The following RNF115 variants were observed in gnomAD, a reference collection of about 807,000 sequenced individuals.
RNF115 encodes ring finger protein 115.
In RNF115, 31 loss-of-function variants were observed where a neutral mutation model predicts 39.2. The observed-to-expected ratio is 0.79, with a 90% CI of 0.59 to 1.07. The LOEUF (loss-of-function observed/expected upper bound fraction) is 1.07. Ranked by LOEUF, RNF115 falls within the 50% of genes least tolerant of loss-of-function variation. The pLI, the probability that RNF115 is intolerant of heterozygous loss-of-function variation, is 0.00. For missense variants in RNF115, 384 were observed against 381.7 expected (o/e 1.01, Z -0.05); for synonymous variants, 124 against 131.0 (o/e 0.95, Z 0.37).
intron 4 of RNF115, among the ~76,000 whole-genome samples, chr1:145,767,334 G>C (rs1343100118): frequency 1.3e-5 from 2 of 151,892 alleles, no homozygotes; most frequent in African/African-American, 4.8e-5. Flanking sequence ...TCACTTCTCA[G>C]ACGGGGCGGC....
At chr1:145,792,330 G>A (rs1648713080) in intron 1 of RNF115, among the ~76,000 whole-genome samples, 1 of 151,332 alleles carries the variant, frequency 6.6e-6, no homozygotes, top group South Asian at 2.1e-4. Context: ...TTCAAACACT[G>A]AAACACTTTT....
chr1:145,784,680 G>T, intron 2 of RNF115, 84 bp from the exon 3 acceptor site: 1 of 1,173,372 alleles, frequency 8.5e-7, no homozygotes, highest in Non-Finnish European at 1.3e-6. Flanking sequence ...GGCATAATGA[G>T]AACAAAGCCC....
intron 1 of RNF115, among the ~76,000 whole-genome samples, chr1:145,819,483 T>C (rs1553724133): frequency 6.6e-6 from 1 of 151,316 alleles, no homozygotes; most frequent in East Asian, 1.9e-4. Flanking sequence ...AACTTACCAA[T>C]CAGAAAAGGC....
chr1:145,793,539 C>A (rs1309778847), intron 1 of RNF115, among the ~76,000 whole-genome samples: 4 of 152,124 alleles, frequency 2.6e-5, no homozygotes, highest in African/African-American at 9.7e-5. Flanking sequence ...TGCCAACTCC[C>A]CCCAAATGTG....
At chr1:145,788,868 A>G (rs781958439) in intron 2 of RNF115, 40 bp downstream of exon 2, 1 of 1,413,852 alleles carries the variant, frequency 7.1e-7, no homozygotes, top group Admixed American at 1.7e-5. Flanking sequence ...AATAGTTTTG[A>G]TAATAGAATG....
intron 1 of RNF115, among the ~76,000 whole-genome samples, chr1:145,820,275 G>A (rs1389911821): frequency 4.0e-5 from 6 of 150,750 alleles, no homozygotes; most frequent in South Asian, 2.1e-4. Flanking sequence ...GACCAGCCGG[G>A]GCAACATGGC....
chr1:145,751,392 A>C, intron 6 of RNF115, 46 bp downstream of exon 6: 1 of 1,316,362 alleles, frequency 7.6e-7, no homozygotes, highest in Non-Finnish European at 1.1e-6. Flanking sequence ...AGCCTGTGGA[A>C]CCATGAGACA....
chr1:145,757,707 G>C (rs1553713386), intron 4 of RNF115, among the ~76,000 whole-genome samples: 2 of 152,198 alleles, frequency 1.3e-5, no homozygotes, highest in African/African-American at 4.8e-5. Context: ...GAATTGCTGT[G>C]AACCAGCAAC....
At chr1:145,813,649 C>T (rs1553723024) in intron 1 of RNF115, among the ~76,000 whole-genome samples, 5 of 152,116 alleles carry the variant, frequency 3.3e-5, no homozygotes, top group African/African-American at 7.2e-5. Context: ...TAACTGAGCC[C>T]TAGTTCCTGT....
chr1:145,751,455 C>G lies in RNF115; in HGVS notation c.556G>C (p.Asp186His), dbSNP rs1658084333. 1.3e-6 allele frequency: 2 copies of G among 1,588,794 alleles called. No individual in the cohort carries two copies. The highest frequency in any genetic ancestry group is 1.7e-6 in the Non-Finnish European group (2 of 1,166,964). Residue 186 changes from aspartate to histidine, a missense_variant, in exon 6 of 9, where the codon GAT becomes CAT. Coordinates refer to ENST00000582693, the MANE Select transcript of RNF115 (RefSeq NM_014455.4). ...CTCCTCACCTGGGTTACAATGGCATCAAGCCCTGTCTGACCCCAGGCATAG... is the reference window on the plus strand; with the variant it reads ...CTCCTCACCTGGGTTACAATGGCATGAAGCCCTGTCTGACCCCAGGCATAG... ...GDYAWGQTGL[D>H]AIVTQLLGQL...
intron 1 of RNF115, among the ~76,000 whole-genome samples, chr1:145,823,430 G>A: frequency 6.8e-6 from 1 of 146,336 alleles, no homozygotes. Flanking sequence ...TGTGGGGGGA[G>A]GTCATCGTAG....
In RNF115 at chr1:145,801,646, A is replaced by G. The variant is rs913936722; in HGVS notation, c.103-12680T>C. Among the ~76,000 whole-genome samples the G allele has an allele frequency of 2.0e-5, 3 of 152,198 alleles. No homozygotes were observed. In the South Asian group the frequency reaches 6.2e-4, roughly 32 times the overall value. On this transcript the variant is annotated intron_variant, in intron 1 of 8. Transcript: ENST00000582693. ...GTCAGGCACTATGGAAATCTATCCT[A>G]CGCTTACCTATTAATACGTCAAGTC... is the stretch of plus-strand genomic sequence containing the variant.
chr1:145,754,819 CGTGTT>C (rs1553712978), intron 4 of RNF115, among the ~76,000 whole-genome samples: 1 of 152,042 alleles, frequency 6.6e-6, no homozygotes, highest in Non-Finnish European at 1.5e-5. Flanking sequence ...TAGAATGCTT[CGTGTT>C]GTTTTAAAAA....
intron 6 of RNF115, 95 bp from the exon 7 acceptor site, chr1:145,750,595 T>G: frequency 1.1e-6 from 1 of 878,792 alleles, no homozygotes; most frequent in Non-Finnish European, 1.8e-6. Context: ...GTGCAGACAT[T>G]AGGTATGTTA....
In RNF115 at chr1:145,750,446, T is replaced by C. The variant is rs139379277; in HGVS notation, c.628A>G (p.Thr210Ala). The part of the protein sequence containing the change: ...GPPPADKEKI[T>A]SLPTVTVTQE... The stretch of plus-strand genomic sequence containing the variant: ...GTTACTGTCACTGTTGGAAGAGATG[T>C]GATCTTTTCCTTGTCAGCTGGGGGA... Residue 210 changes from threonine (T) to alanine (A), a missense_variant, in exon 7 of 9, where the codon ACA becomes GCA. Physicochemically the swap from Thr to Ala is moderately conservative, Grantham distance 58. Transcript: ENST00000582693. 12 of 1,614,062 alleles carry C rather than the reference T, an allele frequency of 7.4e-6. No homozygotes were observed. Among genetic ancestry groups the C allele is most frequent in the Middle Eastern group, 3.3e-4 (2 of 6,062 alleles).
In RNF115 at chr1:145,740,698, A is replaced by G. The variant is rs1468209931; in HGVS notation, c.*6168T>C. ...ATAAATATCTTTCAAATATTTGTATATATTTCAATTGGATGTAGATTCTGG... is the reference window on the plus strand; with the variant it reads ...ATAAATATCTTTCAAATATTTGTATGTATTTCAATTGGATGTAGATTCTGG... On this transcript the variant is annotated 3_prime_UTR_variant, in exon 9 of 9. Coordinates refer to ENST00000582693, the MANE Select transcript of RNF115 (RefSeq NM_014455.4). The G allele has an allele frequency of 1.3e-5, 2 of 152,256 alleles. No homozygotes were observed. The highest frequency in any genetic ancestry group is 2.9e-5 in the Non-Finnish European group (2 of 68,046). 9.4% of individuals were successfully genotyped at this position (152,256 alleles called of 1,614,324 possible). A position where few individuals can be genotyped will look rare whatever the true frequency, so the allele number is the denominator to read the frequency against.
intron 1 of RNF115, among the ~76,000 whole-genome samples, chr1:145,805,689 G>A (rs1649430539): frequency 6.6e-6 from 1 of 152,078 alleles, no homozygotes; most frequent in South Asian, 2.1e-4. Context: ...CATGATCTAT[G>A]TGGAAAAACT....
intron 4 of RNF115, among the ~76,000 whole-genome samples, 179 bp from the exon 5 acceptor site, chr1:145,753,228 T>A (rs1658163976): frequency 6.6e-6 from 1 of 152,230 alleles, no homozygotes; most frequent in Non-Finnish European, 1.5e-5. Context: ...TTTGCTATTA[T>A]GGCTATCTTC....
rs373022117 is a variant in RNF115 at position 145,746,989 on chromosome 1, T to C, written c.792A>G (p.Thr264=). Reference sequence around the variant, plus strand: ...TTAAGCTCTTCCTACATACAGGACATGTGTCATGCTGAAACAGAAAAATAT... The same window carrying C: ...TTAAGCTCTTCCTACATACAGGACACGTGTCATGCTGAAACAGAAAAATAT... ...CIVPWLELHD[T]CPVCRKSLNG... The change falls in exon 9 of 9, where the codon ACA becomes ACG. Residue 264 remains threonine, a synonymous_variant. Transcript: ENST00000582693. 6.2e-7 allele frequency: 1 copy of C among 1,611,272 alleles called. No individual in the cohort carries two copies. The highest frequency in any genetic ancestry group is 2.2e-5 in the East Asian group (1 of 44,788).
Sources: allele counts gnomAD v4.1 joint callset (sites outside exome capture counted in the v4.1 genomes callset), GRCh38; gene constraint gnomAD v4.1.1; transcripts MANE v1.5; gene names NCBI Gene and HGNC (gene_info 2026-07-23, HGNC 2026-07-21).